The following OTOGL variants were observed in gnomAD, a reference collection of about 807,000 sequenced individuals.
OTOGL encodes the protein otogelin like, also known as otogelin-like protein.
OTOGL carries 285 observed loss-of-function variants against 318.5 expected under a neutral mutation model. The ratio of observed to expected loss-of-function variants is 0.89; its 90% CI spans 0.81 to 0.99. The LOEUF (loss-of-function observed/expected upper bound fraction) is 0.99, where lower values mean the gene tolerates loss of function less well. Ranked by LOEUF, OTOGL falls within the 50% of genes least tolerant of loss-of-function variation. The pLI, the probability that OTOGL is intolerant of heterozygous loss-of-function variation, is 0.00. For missense variants in OTOGL, 2,899 were observed against 2,845.6 expected (o/e 1.02, Z -0.43); for synonymous variants, 987 against 936.5 (o/e 1.05, Z -0.99).
chr12:80,351,699 G>A (rs936741340), intron 44 of OTOGL, among the ~76,000 whole-genome samples: 7 of 152,106 alleles, frequency 4.6e-5, no homozygotes, highest in African/African-American at 1.7e-4. Context: ...CTTAGTATGA[G>A]CCTGTTGAAT....
At chr12:80,295,156 A>ATTT in intron 26 of OTOGL, among the ~76,000 whole-genome samples, 1 of 78,210 alleles carries the variant, frequency 1.3e-5, no homozygotes, top group African/African-American at 6.4e-5. Context: ...TGATTGCCGA[A>ATTT]CTTTTTTTTT....
At chr12:80,238,769 G>T in intron 9 of OTOGL, 82 bp from the exon 10 acceptor site, 2 of 1,298,804 alleles carry the variant, frequency 1.5e-6, no homozygotes, top group Non-Finnish European at 2.0e-6. Flanking sequence ...GGAAGTTTGT[G>T]TTGAAGAACC....
chr12:80,151,589 A>G (rs1396812301), intron 1 of OTOGL, among the ~76,000 whole-genome samples: 1 of 152,260 alleles, frequency 6.6e-6, no homozygotes, highest in Non-Finnish European at 1.5e-5. Context: ...GAATAGGGTC[A>G]TGTTATTCAC....
chr12:80,300,299 C>T (rs180833847), intron 27 of OTOGL, among the ~76,000 whole-genome samples: 4 of 151,670 alleles, frequency 2.6e-5, no homozygotes, highest in Admixed American at 2.0e-4. Flanking sequence ...TGAGGGCCTT[C>T]CTTGCCTCAT....
In OTOGL at chr12:80,252,059, CT is replaced by C; in HGVS notation, c.1160-16del. On this transcript the variant is annotated splice_polypyrimidine_tract_variant and intron_variant, in intron 12 of 58. Transcript: ENST00000547103. ...GCTAATAAAATTGACTTAAGCTCCC[CT>C]GTTTGTCTGTTTTAGCTGATAAATG... 1.3e-6 allele frequency: 2 copies of C among 1,515,026 alleles called. No homozygotes were observed. Among genetic ancestry groups the C allele is most frequent in the Non-Finnish European group, 1.8e-6 (2 of 1,128,840 alleles). 93.8% of individuals were successfully genotyped at this position (1,515,026 alleles called of 1,614,324 possible). A position where few individuals can be genotyped will look rare whatever the true frequency, so the allele number is the denominator to read the frequency against.
At position 80,226,962 on chromosome 12, in the gene OTOGL, T is replaced by C. The variant is rs1305915133; in HGVS notation, c.490-2295T>C. On this transcript the variant is annotated intron_variant, in intron 7 of 58. Coordinates refer to ENST00000547103, the MANE Select transcript of OTOGL (RefSeq NM_001378609.3). ...TTTCTGATCATTTTACATATAACCT[T>C]ACTCAACCTCCAGAAGTTTTTAGAT... Among the ~76,000 whole-genome samples the C allele has an allele frequency of 6.6e-5, 10 of 152,198 alleles. No individual in the cohort carries two copies. The East Asian group carries it at 1.9e-3, about 29-fold the overall frequency.
chr12:80,366,679 C>T (rs1355971451), intron 53 of OTOGL, 42 bp downstream of exon 53: 6 of 813,502 alleles, frequency 7.4e-6, no homozygotes, highest in Non-Finnish European at 9.7e-6. Flanking sequence ...AAATGAATAT[C>T]ATTAGTATCT....
At chr12:80,351,997 G>A (rs1165283547) in intron 44 of OTOGL, among the ~76,000 whole-genome samples, 1 of 152,080 alleles carries the variant, frequency 6.6e-6, no homozygotes, top group Admixed American at 6.6e-5. Flanking sequence ...TATGGAAAAG[G>A]CAATTGTAGC....
In OTOGL at chr12:80,378,292, T is replaced by C. The variant is rs1891285599; in HGVS notation, c.*244T>C. 3.7e-5 allele frequency: 14 copies of C among 381,452 alleles called. 1 individual carries two copies. The South Asian group carries it at 4.4e-4, about 12-fold the overall frequency. 23.6% of individuals were successfully genotyped at this position (381,452 alleles called of 1,614,324 possible). A position where few individuals can be genotyped will look rare whatever the true frequency, so the allele number is the denominator to read the frequency against. ...AAGTTGTTCAGCTGAAATGCTGTTATGTATTTAATTACAACTTGGTGCAGA... is the reference window on the plus strand; with the variant it reads ...AAGTTGTTCAGCTGAAATGCTGTTACGTATTTAATTACAACTTGGTGCAGA... On this transcript the variant is annotated 3_prime_UTR_variant, in exon 59 of 59. Coordinates refer to ENST00000547103, the MANE Select transcript of OTOGL (RefSeq NM_001378609.3).
In OTOGL at chr12:80,262,018, T is replaced by C. The variant is rs1271737775; in HGVS notation, c.1939T>C (p.Trp647Arg). 1 of 1,613,178 alleles carries C rather than the reference T, an allele frequency of 6.2e-7. No individual in the cohort carries two copies. The highest frequency in any genetic ancestry group is 2.2e-5 in the East Asian group (1 of 44,858). Residue 647 changes from tryptophan to arginine, a missense_variant, in exon 19 of 59, where the codon TGG becomes CGG. Physicochemically the swap from Trp to Arg is moderately radical, Grantham distance 101. Transcript: ENST00000547103. ...TACACCACAACTTCACGCAAATGCG[T>C]GGAGAGTTTCTTCTACCTGTTTTGC... ...EGTPQLHANAWRVSSTCFAPV... is the reference protein window; with the variant it reads ...EGTPQLHANARRVSSTCFAPV...
chr12:80,225,960 C>A (rs997326800), intron 7 of OTOGL, among the ~76,000 whole-genome samples: 1 of 151,836 alleles, frequency 6.6e-6, no homozygotes, highest in Non-Finnish European at 1.5e-5. Context: ...GAATATATGG[C>A]AAAAAATAGC....
chr12:80,358,374 A>G (rs1890037108), intron 50 of OTOGL, 25 bp downstream of exon 50: 4 of 1,512,324 alleles, frequency 2.6e-6, no homozygotes, highest in Non-Finnish European at 3.6e-6. Flanking sequence ...ACTATTCTAA[A>G]ATATTTAGAT....
intron 1 of OTOGL, among the ~76,000 whole-genome samples, chr12:80,106,018 A>G (rs1869434820): frequency 1.3e-5 from 2 of 152,234 alleles, no homozygotes; most frequent in African/African-American, 2.4e-5. Flanking sequence ...GTCATATGAC[A>G]TCACTAAAAA....
At position 80,156,135 on chromosome 12, in the gene OTOGL, G is replaced by C. The variant is rs184319616; in HGVS notation, c.-19-53278G>C. The stretch of plus-strand genomic sequence containing the variant: ...CATTTGAGTCCGTGGACTGCGAAAG[G>C]CAGACCCTATCCTCAATCTGGATGG... On this transcript the variant is annotated intron_variant, in intron 1 of 58. Transcript: ENST00000547103. Among the ~76,000 whole-genome samples, 145 of 152,310 alleles carry C rather than the reference G, an allele frequency of 9.5e-4. 2 individuals carry two copies. In the East Asian group the frequency reaches 0.026, roughly 28 times the overall value.
chr12:80,223,279 A>G (rs1878527406), intron 7 of OTOGL, among the ~76,000 whole-genome samples: 1 of 151,828 alleles, frequency 6.6e-6, no homozygotes, highest in Non-Finnish European at 1.5e-5. Flanking sequence ...ATATGTATAT[A>G]TATATGGCAT....
At chr12:80,362,816 A>C (rs1444868546) in intron 52 of OTOGL, among the ~76,000 whole-genome samples, 1 of 152,150 alleles carries the variant, frequency 6.6e-6, no homozygotes, top group Non-Finnish European at 1.5e-5. Flanking sequence ...ACGGAAGTAA[A>C]TTCACAAAGC....
chr12:80,236,577 A>G (rs1879865392), intron 9 of OTOGL, among the ~76,000 whole-genome samples: 1 of 152,154 alleles, frequency 6.6e-6, no homozygotes, highest in African/African-American at 2.4e-5. Flanking sequence ...GGGTTTCTAG[A>G]AAATGTTTTT....
intron 1 of OTOGL, among the ~76,000 whole-genome samples, chr12:80,187,589 A>G (rs1224902709): frequency 6.6e-6 from 1 of 152,218 alleles, no homozygotes; most frequent in Non-Finnish European, 1.5e-5. Flanking sequence ...ATCACATTGA[A>G]CCTCACTAAG....
rs752908730 is a variant in OTOGL, at chr12:80,352,357, A to G, written c.5328A>G (p.Glu1776=). ...ATTATACCTATTTTTGGAACTATGAATGTGATGCACTTTCTGCATATGTGG... is the reference window on the plus strand; with the variant it reads ...ATTATACCTATTTTTGGAACTATGAGTGTGATGCACTTTCTGCATATGTGG... ...WINYTYFWNY[E]CDALSAYVAL... is the part of the protein sequence containing the mutation. The change falls in exon 45 of 59, where the codon GAA becomes GAG. Residue 1776 remains glutamate (E), a synonymous_variant. Coordinates refer to ENST00000547103, the MANE Select transcript of OTOGL (RefSeq NM_001378609.3). 7.4e-6 allele frequency: 12 copies of G among 1,612,546 alleles called. No individual in the cohort carries two copies. In the South Asian group the frequency reaches 8.8e-5, roughly 12 times the overall value.
Sources: gnomAD v4.1 joint callset for allele counts (sites outside exome capture counted in the v4.1 genomes callset) on GRCh38, gnomAD v4.1.1 for gene constraint, MANE v1.5 for transcripts, NCBI Gene and HGNC (gene_info 2026-07-23, HGNC 2026-07-21) for gene names.